The following C1orf21 variants were observed in gnomAD, a reference collection of about 807,000 sequenced individuals.
The protein encoded by C1orf21 is uncharacterized protein C1orf21.
In C1orf21, 3 loss-of-function variants were observed where a neutral mutation model predicts 18.7. That is an observed-to-expected ratio of 0.16 (90% CI 0.07 to 0.42). The LOEUF (loss-of-function observed/expected upper bound fraction) is 0.42, where lower values mean the gene tolerates loss of function less well. C1orf21 is among the 10% of genes least tolerant of loss of function. The pLI is 0.99. For missense variants in C1orf21, 104 were observed against 143.6 expected, an observed-to-expected ratio of 0.72 and a Z score of 1.41; for synonymous variants, 41 against 46.4, an observed-to-expected ratio of 0.88 and a Z score of 0.47.
intron 5 of C1orf21, 28 bp from the exon 6 acceptor site, chr1:184,619,490 C>T: frequency 6.2e-7 from 1 of 1,609,422 alleles, no homozygotes; most frequent in African/African-American, 1.3e-5. Flanking sequence ...TTCTCATTCA[C>T]ATGCTCTTTT....
chr1:184,488,643 A>G (rs1167014767), intron 2 of C1orf21, among the ~76,000 whole-genome samples: 1 of 152,222 alleles, frequency 6.6e-6, no homozygotes, highest in Non-Finnish European at 1.5e-5. Context: ...AGAATTTTTC[A>G]GATTAATCTA....
At chr1:184,616,448 G>A (rs1659825194) in intron 5 of C1orf21, among the ~76,000 whole-genome samples, 1 of 152,208 alleles carries the variant, frequency 6.6e-6, no homozygotes, top group South Asian at 2.1e-4. Context: ...TTGCTCCTTT[G>A]TTTAGTAATG....
chr1:184,521,776 A>G (rs1658309591), intron 3 of C1orf21, among the ~76,000 whole-genome samples: 1 of 152,182 alleles, frequency 6.6e-6, no homozygotes, highest in African/African-American at 2.4e-5. Flanking sequence ...CAAAAATGAA[A>G]GCCTGGGGAT....
At chr1:184,527,644 A>C (rs1457580934) in intron 3 of C1orf21, among the ~76,000 whole-genome samples, 1 of 152,188 alleles carries the variant, frequency 6.6e-6, no homozygotes, top group Non-Finnish European at 1.5e-5. Flanking sequence ...CTCTCCTAAC[A>C]AAATGGGACA....
At chr1:184,544,659 T>A (rs1309594417) in intron 3 of C1orf21, among the ~76,000 whole-genome samples, 1 of 152,248 alleles carries the variant, frequency 6.6e-6, no homozygotes, top group Non-Finnish European at 1.5e-5. Flanking sequence ...ACATTACACA[T>A]TACCACAAAA....
At chr1:184,466,294 G>C (rs1353967716) in intron 1 of C1orf21, among the ~76,000 whole-genome samples, 1 of 152,164 alleles carries the variant, frequency 6.6e-6, no homozygotes, top group East Asian at 1.9e-4. Flanking sequence ...CCCAGAAATG[G>C]TGGTAGGTAC....
At chr1:184,595,080 A>G (rs918869835) in intron 4 of C1orf21, among the ~76,000 whole-genome samples, 1 of 152,190 alleles carries the variant, frequency 6.6e-6, no homozygotes, top group Non-Finnish European at 1.5e-5. Context: ...GCGCTGACCA[A>G]GGGCACAGGG....
At chr1:184,573,422 C>G (rs1301255435) in intron 3 of C1orf21, among the ~76,000 whole-genome samples, 2 of 152,188 alleles carry the variant, frequency 1.3e-5, no homozygotes, top group Non-Finnish European at 2.9e-5. Flanking sequence ...TAACATCATT[C>G]TCGAAGAGTT....
intron 3 of C1orf21, among the ~76,000 whole-genome samples, chr1:184,560,914 T>C (rs1353279942): frequency 6.6e-6 from 1 of 152,224 alleles, no homozygotes; most frequent in African/African-American, 2.4e-5. Flanking sequence ...GGAATTATTT[T>C]TAATTAGTAC....
At chr1:184,580,974 A>C (rs1659266695) in intron 3 of C1orf21, among the ~76,000 whole-genome samples, 2 of 152,130 alleles carry the variant, frequency 1.3e-5, no homozygotes, top group Non-Finnish European at 2.9e-5. Context: ...TGCTTTGGCC[A>C]AGTAAGTAGG....
At chr1:184,582,260 C>T (rs960163819) in intron 3 of C1orf21, among the ~76,000 whole-genome samples, 4 of 152,216 alleles carry the variant, frequency 2.6e-5, no homozygotes, top group African/African-American at 9.6e-5. Flanking sequence ...GGGTTACTCC[C>T]CCAAAGCTAG....
chr1:184,609,269 A>G (rs759180512), intron 5 of C1orf21, among the ~76,000 whole-genome samples: 1 of 152,202 alleles, frequency 6.6e-6, no homozygotes, highest in African/African-American at 2.4e-5. Context: ...ATGGGGACCT[A>G]CCAAGTTCTC....
intron 1 of C1orf21, among the ~76,000 whole-genome samples, chr1:184,421,236 C>T (rs2101966708): frequency 6.6e-6 from 1 of 152,134 alleles, no homozygotes; most frequent in East Asian, 1.9e-4. Flanking sequence ...AAGGGCCTGC[C>T]TCAGCCTCCC....
At chr1:184,593,823 C>A (rs114059898) in intron 4 of C1orf21, among the ~76,000 whole-genome samples, 4 of 152,092 alleles carry the variant, frequency 2.6e-5, no homozygotes, top group African/African-American at 9.7e-5. Context: ...AGCAGCAATG[C>A]GCAATATTGA....
chr1:184,513,473 G>A (rs1440167781), intron 3 of C1orf21, among the ~76,000 whole-genome samples: 1 of 152,236 alleles, frequency 6.6e-6, no homozygotes, highest in African/African-American at 2.4e-5. Flanking sequence ...AGAGGACACT[G>A]GTTGATAAGC....
At chr1:184,419,304 C>T (rs1656509048) in intron 1 of C1orf21, among the ~76,000 whole-genome samples, 1 of 152,176 alleles carries the variant, frequency 6.6e-6, no homozygotes, top group Non-Finnish European at 1.5e-5. Flanking sequence ...AGTAAATTTT[C>T]ACTAAACGGT....
rs1391744593 is a variant in C1orf21, at chr1:184,426,733, A to C, written c.-125+39365A>C. Among the ~76,000 whole-genome samples, 6 of 152,036 alleles carry C rather than the reference A, an allele frequency of 3.9e-5. No individual in the cohort carries two copies. The East Asian group carries it at 1.2e-3, about 29-fold the overall frequency. On this transcript the variant is annotated intron_variant, in intron 1 of 5. Transcript: ENST00000235307. ...ATAATTATTTGTATAATTATTCCTA[A>C]TGCCTTTCCCTCCCAGTAGATTCTA...
chr1:184,526,932 AAGG>A (rs1238964444), intron 3 of C1orf21, among the ~76,000 whole-genome samples: 1 of 152,154 alleles, frequency 6.6e-6, no homozygotes, highest in Non-Finnish European at 1.5e-5. Context: ...ACTGTCTAAG[AAGG>A]AGGAGGCAAG....
intron 3 of C1orf21, among the ~76,000 whole-genome samples, chr1:184,563,523 A>G (rs1354679879): frequency 6.6e-6 from 1 of 152,176 alleles, no homozygotes; most frequent in Non-Finnish European, 1.5e-5. Flanking sequence ...AGCATACATA[A>G]TTTCAGGCCG....
Sources: gnomAD v4.1 joint callset for allele counts (sites outside exome capture counted in the v4.1 genomes callset) on GRCh38, gnomAD v4.1.1 for gene constraint, MANE v1.5 for transcripts, NCBI Gene and HGNC (gene_info 2026-07-23, HGNC 2026-07-21) for gene names.